The following PTPRM variants were observed in gnomAD, a reference collection of about 807,000 sequenced individuals.
PTPRM encodes the protein receptor-type tyrosine-protein phosphatase mu.
PTPRM carries 47 observed loss-of-function variants against 186.7 expected under a neutral mutation model. The observed-to-expected ratio is 0.25, with a 90% CI of 0.20 to 0.32. PTPRM has a LOEUF of 0.32. Ranked by LOEUF, PTPRM falls within the 10% of genes least tolerant of loss-of-function variation. The probability of loss-of-function intolerance (pLI) is 1.00; values close to 1 mark genes in which losing one functional copy is unlikely to be tolerated. For synonymous variants in PTPRM, 668 were observed against 674.9 expected, an observed-to-expected ratio of 0.99 and a Z score of 0.16; for missense variants, 1,494 against 1,865.0, an observed-to-expected ratio of 0.80 and a Z score of 3.66.
At chr18:7,575,515 C>T (rs1174691374) in intron 1 of PTPRM, among the ~76,000 whole-genome samples, 2 of 152,180 alleles carry the variant, frequency 1.3e-5, no homozygotes, top group Non-Finnish European at 2.9e-5. Flanking sequence ...CAGCACTGAT[C>T]CAGAGACAAC....
At chr18:7,929,042 T>C (rs2051331659) in intron 5 of PTPRM, among the ~76,000 whole-genome samples, 1 of 152,212 alleles carries the variant, frequency 6.6e-6, no homozygotes, top group Non-Finnish European at 1.5e-5. Context: ...GGTTTGTTTT[T>C]TTTCACAAAT....
chr18:7,579,937 A>G (rs1159320410), intron 1 of PTPRM, among the ~76,000 whole-genome samples: 1 of 152,198 alleles, frequency 6.6e-6, no homozygotes, highest in Non-Finnish European at 1.5e-5. Context: ...CAAAATGGGC[A>G]TATTGGTCTG....
intron 7 of PTPRM, among the ~76,000 whole-genome samples, chr18:8,007,740 TAG>T (rs1481343058): frequency 1.3e-5 from 2 of 152,192 alleles, no homozygotes; most frequent in Non-Finnish European, 2.9e-5. Flanking sequence ...GCCTCTAGGT[TAG>T]AGAGTCAGTA....
At chr18:7,936,402 C>T (rs2146911316) in intron 5 of PTPRM, among the ~76,000 whole-genome samples, 1 of 152,356 alleles carries the variant, frequency 6.6e-6, no homozygotes, top group East Asian at 1.9e-4. Flanking sequence ...TTCCCAGTGC[C>T]CGCTTCAATC....
At chr18:7,617,692 C>T (rs1239226006) in intron 1 of PTPRM, among the ~76,000 whole-genome samples, 1 of 152,148 alleles carries the variant, frequency 6.6e-6, no homozygotes, top group African/African-American at 2.4e-5. Flanking sequence ...TGTAAATATG[C>T]ATTTTTAAAT....
In PTPRM at chr18:8,057,667, T is replaced by C. The variant is rs1448494291; in HGVS notation, c.1133-12019T>C. Among the ~76,000 whole-genome samples the C allele has an allele frequency of 7.5e-5, 8 of 107,156 alleles. No individual in the cohort carries two copies. In the Admixed American group the frequency reaches 7.9e-4, roughly 11 times the overall value. The allele number at this position is 107,156 out of a possible 152,430, so 70.3% of individuals were successfully genotyped here. On this transcript the variant is annotated intron_variant, in intron 7 of 32. Transcript: ENST00000580170. ...CCCTTCCTGTGACCATGTGATCTCATTGTTCAATTCCCACCTATGAGTGAG... is the reference window on the plus strand; with the variant it reads ...CCCTTCCTGTGACCATGTGATCTCACTGTTCAATTCCCACCTATGAGTGAG...
At chr18:8,265,346 A>T (rs1353974347) in intron 19 of PTPRM, among the ~76,000 whole-genome samples, 3 of 152,200 alleles carry the variant, frequency 2.0e-5, no homozygotes, top group African/African-American at 7.2e-5. Flanking sequence ...CTCATCTGAC[A>T]TGACCAGTTC....
intron 1 of PTPRM, among the ~76,000 whole-genome samples, chr18:7,631,517 G>A (rs1019096647): frequency 1.3e-5 from 2 of 151,576 alleles, no homozygotes; most frequent in African/African-American, 2.4e-5. Flanking sequence ...TGCTCTTGAG[G>A]ATTAAAGAGT....
intron 19 of PTPRM, among the ~76,000 whole-genome samples, chr18:8,274,138 TG>T (rs2094806343): frequency 6.6e-6 from 1 of 152,176 alleles, no homozygotes; most frequent in African/African-American, 2.4e-5. Context: ...GACTAAATCT[TG>T]TATAGAGTTT....
chr18:7,915,346 G>GGA (rs369927500), intron 4 of PTPRM, among the ~76,000 whole-genome samples: 4 of 151,990 alleles, frequency 2.6e-5, no homozygotes, highest in East Asian at 1.9e-4. Context: ...CTGTAAATTT[G>GGA]GAGAGAGAGA....
intron 1 of PTPRM, among the ~76,000 whole-genome samples, chr18:7,679,363 T>C (rs1416245404): frequency 6.6e-6 from 1 of 152,150 alleles, no homozygotes; most frequent in African/African-American, 2.4e-5. Flanking sequence ...CAGATCAAGG[T>C]TGATAATTGG....
intron 19 of PTPRM, among the ~76,000 whole-genome samples, chr18:8,267,789 T>C (rs2094719973): frequency 6.6e-6 from 1 of 152,172 alleles, no homozygotes; most frequent in Admixed American, 6.5e-5. Flanking sequence ...AGTTCCTCAC[T>C]AAAATGGCTA....
intron 14 of PTPRM, among the ~76,000 whole-genome samples, chr18:8,152,508 T>TC (rs1160039969): frequency 6.6e-6 from 1 of 152,142 alleles, no homozygotes; most frequent in Admixed American, 6.5e-5. Context: ...CAACTGTTTT[T>TC]CCCCACTTGT....
chr18:7,926,513 T>C (rs2051180556), intron 4 of PTPRM, 55 bp from the exon 5 acceptor site: 21 of 1,380,338 alleles, frequency 1.5e-5, no homozygotes, highest in Non-Finnish European at 2.1e-5. Context: ...GAAGAAGACA[T>C]ATATTAGTTA....
chr18:7,635,971 G>A (rs964008751), intron 1 of PTPRM, among the ~76,000 whole-genome samples: 1 of 152,220 alleles, frequency 6.6e-6, no homozygotes, highest in Non-Finnish European at 1.5e-5. Context: ...TGTTGTAAAT[G>A]ACTTATTTGG....
intron 1 of PTPRM, among the ~76,000 whole-genome samples, chr18:7,571,369 G>A (rs2036563264): frequency 6.6e-6 from 1 of 152,214 alleles, no homozygotes; most frequent in Non-Finnish European, 1.5e-5. Flanking sequence ...TAAGACATGA[G>A]AAAGAAAGTT....
At chr18:7,933,289 GA>G in intron 5 of PTPRM, among the ~76,000 whole-genome samples, 1 of 151,886 alleles carries the variant, frequency 6.6e-6, no homozygotes. Flanking sequence ...AATAAGGAAA[GA>G]AAAAAATTGT....
intron 1 of PTPRM, among the ~76,000 whole-genome samples, chr18:7,671,542 T>G (rs1332140562): frequency 6.6e-6 from 1 of 152,214 alleles, no homozygotes; most frequent in Admixed American, 6.5e-5. Flanking sequence ...AACTGTCTTT[T>G]TATGAAGAAA....
chr18:7,702,683 A>G (rs933097403), intron 1 of PTPRM, among the ~76,000 whole-genome samples: 1 of 152,090 alleles, frequency 6.6e-6, no homozygotes, highest in African/African-American at 2.4e-5. Flanking sequence ...GTTGTGGAGA[A>G]GCTCTTTAGT....
Sources: allele counts gnomAD v4.1 joint callset (sites outside exome capture counted in the v4.1 genomes callset), GRCh38; gene constraint gnomAD v4.1.1; transcripts MANE v1.5; gene names NCBI Gene and HGNC (gene_info 2026-07-23, HGNC 2026-07-21).